The following CNTN4 variants were observed in gnomAD, a reference collection of about 807,000 sequenced individuals.
CNTN4 encodes the protein contactin-4.
In CNTN4, 77 loss-of-function variants were observed where a neutral mutation model predicts 122.5. The ratio of observed to expected loss-of-function variants is 0.63; its 90% CI spans 0.52 to 0.76. The LOEUF is 0.76. CNTN4 is among the 30% of genes least tolerant of loss of function. CNTN4 has a pLI of 0.00. For missense variants in CNTN4, 1,256 were observed against 1,259.1 expected (o/e 1.00, Z 0.04); for synonymous variants, 512 against 447.0 (o/e 1.15, Z -1.83).
At chr3:2,351,963 T>A (rs946856319) in intron 3 of CNTN4, among the ~76,000 whole-genome samples, 1 of 152,210 alleles carries the variant, frequency 6.6e-6, no homozygotes, top group African/African-American at 2.4e-5. Flanking sequence ...ATTTCAAATG[T>A]CTCACCACAA....
intron 2 of CNTN4, among the ~76,000 whole-genome samples, chr3:2,258,669 T>A (rs1575192054): frequency 6.6e-6 from 1 of 152,316 alleles, no homozygotes; most frequent in Non-Finnish European, 1.5e-5. Context: ...TATTCAATAA[T>A]TTCATGCATG....
chr3:2,340,719 A>AGAGAGAGAGAGGGG (rs1366990190), intron 3 of CNTN4, among the ~76,000 whole-genome samples: 17 of 134,880 alleles, frequency 1.3e-4, no homozygotes, highest in African/African-American at 4.5e-4. Context: ...ATAGAGAGAG[A>AGAGAGAGAGAGGGG]GAGAGAGAGA....
intron 2 of CNTN4, among the ~76,000 whole-genome samples, chr3:2,201,476 T>A (rs913137060): frequency 6.6e-6 from 1 of 152,192 alleles, no homozygotes; most frequent in African/African-American, 2.4e-5. Context: ...AAAATGCAGA[T>A]CTGAAAATAC....
intron 3 of CNTN4, among the ~76,000 whole-genome samples, chr3:2,549,112 G>C (rs921301508): frequency 7.9e-6 from 1 of 125,856 alleles, no homozygotes; most frequent in South Asian, 2.4e-4. Flanking sequence ...CAATCATGTC[G>C]GGTTTTCTAA....
At chr3:2,793,169 G>A (rs535041421) in intron 6 of CNTN4, among the ~76,000 whole-genome samples, 4 of 152,160 alleles carry the variant, frequency 2.6e-5, no homozygotes, top group South Asian at 2.1e-4. Flanking sequence ...AGCTTCATCC[G>A]AAATAGAAAC....
chr3:2,194,524 G>C (rs774543198), intron 2 of CNTN4, among the ~76,000 whole-genome samples: 24 of 152,126 alleles, frequency 1.6e-4, no homozygotes, highest in Non-Finnish European at 1.8e-4. Context: ...AATTGTTATT[G>C]GTTGAATTGT....
intron 13 of CNTN4, among the ~76,000 whole-genome samples, chr3:2,955,269 A>C (rs2094787541): frequency 6.6e-6 from 1 of 152,216 alleles, no homozygotes; most frequent in African/African-American, 2.4e-5. Flanking sequence ...CCAAGACTCA[A>C]GGCTAAAGTG....
At chr3:2,820,864 C>G (rs1271815157) in intron 7 of CNTN4, among the ~76,000 whole-genome samples, 2 of 151,276 alleles carry the variant, frequency 1.3e-5, no homozygotes. Flanking sequence ...CTCATAGCAA[C>G]TAGATCAGTT....
At chr3:3,000,075 G>A (rs778306164) in intron 14 of CNTN4, among the ~76,000 whole-genome samples, 10 of 152,064 alleles carry the variant, frequency 6.6e-5, no homozygotes, top group Non-Finnish European at 1.3e-4. Flanking sequence ...ATAAAGATTT[G>A]CATTTTTCTT....
intron 2 of CNTN4, among the ~76,000 whole-genome samples, chr3:2,173,645 T>G (rs1452060777): frequency 6.6e-6 from 1 of 152,094 alleles, no homozygotes; most frequent in Non-Finnish European, 1.5e-5. Context: ...GTAGAGAAAA[T>G]CTTTCGGATG....
At chr3:3,034,159 G>A (rs935889553) in intron 16 of CNTN4, among the ~76,000 whole-genome samples, 1 of 152,168 alleles carries the variant, frequency 6.6e-6, no homozygotes, top group African/African-American at 2.4e-5. Flanking sequence ...AAAGCCATTT[G>A]TGCTTAAATC....
intron 2 of CNTN4, among the ~76,000 whole-genome samples, chr3:2,189,242 T>A (rs571700112): frequency 6.6e-6 from 1 of 152,272 alleles, no homozygotes; most frequent in Admixed American, 6.5e-5. Flanking sequence ...GGGTCTGTGA[T>A]GTGTGAAGAG....
At chr3:2,641,141 A>G (rs2082879755) in intron 4 of CNTN4, among the ~76,000 whole-genome samples, 1 of 152,176 alleles carries the variant, frequency 6.6e-6, no homozygotes, top group Non-Finnish European at 1.5e-5. Flanking sequence ...TTTTTTTAAA[A>G]AAGAAATGCA....
intron 2 of CNTN4, among the ~76,000 whole-genome samples, chr3:2,219,454 A>G (rs1449539590): frequency 6.6e-6 from 1 of 152,144 alleles, no homozygotes; most frequent in Non-Finnish European, 1.5e-5. Flanking sequence ...AGGCAGATCT[A>G]CCATTTGTGT....
chr3:2,611,583 C>T (rs558349924), intron 4 of CNTN4, among the ~76,000 whole-genome samples: 70 of 152,226 alleles, frequency 4.6e-4, no homozygotes, highest in Middle Eastern at 3.4e-3. Context: ...ACGTTCACAC[C>T]ATTCCTCTCT....
intron 2 of CNTN4, among the ~76,000 whole-genome samples, chr3:2,285,909 A>T (rs985598476): frequency 2.6e-5 from 4 of 152,114 alleles, no homozygotes; most frequent in Non-Finnish European, 5.9e-5. Flanking sequence ...CCATTTGTAG[A>T]TGTATGTACT....
intron 4 of CNTN4, among the ~76,000 whole-genome samples, chr3:2,693,278 C>T (rs887165526): frequency 5.3e-5 from 8 of 152,206 alleles, no homozygotes; most frequent in South Asian, 4.1e-4. Context: ...TCTGTGTCAA[C>T]GAAATCCCCA....
chr3:2,763,126 T>C (rs2090672792), intron 6 of CNTN4, among the ~76,000 whole-genome samples: 1 of 151,986 alleles, frequency 6.6e-6, no homozygotes, highest in South Asian at 2.1e-4. Context: ...TTTGTATTTT[T>C]AGTAGAGACG....
chr3:2,923,644 C>T (rs1031793834), intron 12 of CNTN4, among the ~76,000 whole-genome samples: 2 of 152,210 alleles, frequency 1.3e-5, no homozygotes, highest in Non-Finnish European at 2.9e-5. Flanking sequence ...CTGCAATTTG[C>T]ACTTATTTCA....
Sources: allele counts gnomAD v4.1 joint callset (sites outside exome capture counted in the v4.1 genomes callset), GRCh38; gene constraint gnomAD v4.1.1; transcripts MANE v1.5; gene names NCBI Gene and HGNC (gene_info 2026-07-23, HGNC 2026-07-21).